The following DRC11 variants were observed in gnomAD, a reference collection of about 807,000 sequenced individuals.
DRC11 encodes the protein dynein regulatory complex subunit 11.
the DRC11 span, chr2:236,487,014 T>G: frequency 6.8e-6 from 5 of 736,114 alleles, 1 homozygote; most frequent in South Asian, 3.4e-5. Context: ...TCCTAAGCTC[T>G]AGGCTGTCCA....
the DRC11 span, among the ~76,000 whole-genome samples, chr2:236,369,675 G>C: frequency 6.6e-6 from 1 of 152,206 alleles, no homozygotes; most frequent in African/African-American, 2.4e-5. This position sits in a 1 kb window ranked among gnomAD's most constrained non-coding sequence, Gnocchi z 4.5. Flanking sequence ...AGTGGGTGTT[G>C]GTTCTAACAG....
chr2:236,504,707 C>T, the DRC11 span, among the ~76,000 whole-genome samples: 491 of 152,252 alleles, frequency 3.2e-3, 5 homozygotes, highest in Admixed American at 5.2e-3. This position sits in a 1 kb window ranked among gnomAD's most constrained non-coding sequence, Gnocchi z 5.0. Flanking sequence ...GTAAGAGGGA[C>T]CCAGTGGGAG....
the DRC11 span, among the ~76,000 whole-genome samples, chr2:236,491,246 G>GTATATATATATATATATATATACACAGTA: frequency 5.5e-4 from 13 of 23,748 alleles, no homozygotes; most frequent in South Asian, 1.7e-3. Context: ...TATATACACA[G>GTATATATATATATATATATATACACAGTA]TATATATATA....
the DRC11 span, among the ~76,000 whole-genome samples, chr2:236,369,374 T>C: frequency 6.6e-6 from 1 of 152,164 alleles, no homozygotes; most frequent in Non-Finnish European, 1.5e-5. This position sits in a 1 kb window ranked among gnomAD's most constrained non-coding sequence, Gnocchi z 4.5. Flanking sequence ...ACAATGGGTA[T>C]TGGTTGGGAG....
At chr2:236,497,361 G>A in the DRC11 span, 30 of 1,613,730 alleles carry the variant, frequency 1.9e-5, no homozygotes, top group East Asian at 3.1e-4. The surrounding 1 kb of genome is among the most constrained non-coding windows in gnomAD (Gnocchi z 5.1). Flanking sequence ...CATACTTTAC[G>A]TAGAAGGTGG....
the DRC11 span, among the ~76,000 whole-genome samples, chr2:236,356,130 G>A: frequency 3.3e-5 from 5 of 152,048 alleles, no homozygotes; most frequent in African/African-American, 1.2e-4. Flanking sequence ...TCAGCCCTCA[G>A]GGGCCAGGTC....
At chr2:236,352,934 C>T in the DRC11 span, among the ~76,000 whole-genome samples, 1 of 152,082 alleles carries the variant, frequency 6.6e-6, no homozygotes, top group East Asian at 1.9e-4. The surrounding 1 kb of genome is among the most constrained non-coding windows in gnomAD (Gnocchi z 7.0). Context: ...ACATTCTGTG[C>T]GTGTCGTTTT....
the DRC11 span, among the ~76,000 whole-genome samples, chr2:236,466,775 C>G: frequency 9.2e-5 from 14 of 152,320 alleles, no homozygotes; most frequent in African/African-American, 3.4e-4. Context: ...GGCTCCACCT[C>G]CAACACTGGG....
chr2:236,350,098 G>A, the DRC11 span, among the ~76,000 whole-genome samples: 5 of 152,298 alleles, frequency 3.3e-5, no homozygotes, highest in South Asian at 2.1e-4. This position sits in a 1 kb window ranked among gnomAD's most constrained non-coding sequence, Gnocchi z 5.2. Context: ...ACTAAGCTGC[G>A]CAGCCTTGAA....
the DRC11 span, among the ~76,000 whole-genome samples, chr2:236,455,463 T>A: frequency 6.6e-6 from 1 of 152,052 alleles, no homozygotes; most frequent in Admixed American, 6.6e-5. The surrounding 1 kb of genome is among the most constrained non-coding windows in gnomAD (Gnocchi z 5.7). Flanking sequence ...TGATGGGAGG[T>A]GCTGCAGTCC....
chr2:236,490,949 T>C, the DRC11 span, among the ~76,000 whole-genome samples: 33 of 147,794 alleles, frequency 2.2e-4, no homozygotes, highest in Non-Finnish European at 4.5e-4. The surrounding 1 kb of genome is among the most constrained non-coding windows in gnomAD (Gnocchi z 5.5). Flanking sequence ...AGTGTGTATA[T>C]ATATGTGTGT....
the DRC11 span, chr2:236,493,695 A>G: frequency 8.3e-7 from 1 of 1,209,992 alleles, no homozygotes; most frequent in South Asian, 1.5e-5. Flanking sequence ...AGTGTTGCTC[A>G]CACAATTAGG....
the DRC11 span, chr2:236,507,437 A>T: frequency 1.5e-6 from 1 of 680,304 alleles, no homozygotes; most frequent in South Asian, 1.8e-5. Context: ...TCGGGCAGGA[A>T]AAGGTGAGGC....
the DRC11 span, chr2:236,503,578 G>T: frequency 5.4e-6 from 8 of 1,486,986 alleles, no homozygotes; most frequent in African/African-American, 1.4e-5. The surrounding 1 kb of genome is among the most constrained non-coding windows in gnomAD (Gnocchi z 4.9). Flanking sequence ...AAAGATTCCC[G>T]GCTGACAGGA....
At chr2:236,327,905 C>T in the DRC11 span, among the ~76,000 whole-genome samples, 2 of 152,232 alleles carry the variant, frequency 1.3e-5, no homozygotes, top group African/African-American at 2.4e-5. Context: ...TGGTCTCGAA[C>T]TTCCGACCTC....
chr2:236,503,577 C>T, the DRC11 span: 53 of 1,486,306 alleles, frequency 3.6e-5, no homozygotes, highest in Non-Finnish European at 4.5e-5. This position sits in a 1 kb window ranked among gnomAD's most constrained non-coding sequence, Gnocchi z 4.9. Flanking sequence ...CAAAGATTCC[C>T]GGCTGACAGG....
the DRC11 span, among the ~76,000 whole-genome samples, chr2:236,334,226 C>G: frequency 0.19 from 28,814 of 152,210 alleles, 2,965 homozygotes; most frequent in African/African-American, 0.23. The surrounding 1 kb of genome is among the most constrained non-coding windows in gnomAD (Gnocchi z 7.8). Flanking sequence ...AGAATCGCTT[C>G]TATTGCTTTT....
At chr2:236,380,645 A>T in the DRC11 span, 2 of 1,543,146 alleles carry the variant, frequency 1.3e-6, no homozygotes, top group Non-Finnish European at 1.8e-6. This position sits in a 1 kb window ranked among gnomAD's most constrained non-coding sequence, Gnocchi z 4.9. Context: ...TTCTTTGGAA[A>T]AAAAGGAAAT....
At chr2:236,507,361 A>G in the DRC11 span, 9 of 1,339,820 alleles carry the variant, frequency 6.7e-6, no homozygotes, top group Non-Finnish European at 9.7e-6. Flanking sequence ...CACTACCAGG[A>G]GCTACAGAGG....
Sources: allele counts gnomAD v4.1 joint callset (sites outside exome capture counted in the v4.1 genomes callset), GRCh38; gene constraint gnomAD v4.1.1; non-coding constraint Gnocchi (gnomAD v3.1); transcripts MANE v1.5; gene names NCBI Gene and HGNC (gene_info 2026-07-23, HGNC 2026-07-21).